The following CDH4 variants were observed in gnomAD, a reference collection of about 807,000 sequenced individuals.
CDH4 encodes the protein cadherin-4.
In CDH4, 33 loss-of-function variants were observed where a neutral mutation model predicts 86.0. The observed-to-expected ratio is 0.38, with a 90% CI of 0.29 to 0.51. The LOEUF is 0.51. Ranked by LOEUF, CDH4 falls within the 20% of genes least tolerant of loss-of-function variation. The pLI, the probability that CDH4 is intolerant of heterozygous loss-of-function variation, is 0.86. For missense variants in CDH4, 1,114 were observed against 1,307.4 expected, an observed-to-expected ratio of 0.85 and a Z score of 2.28; for synonymous variants, 555 against 549.4, an observed-to-expected ratio of 1.01 and a Z score of -0.14.
chr20:61,922,053 T>A (rs1325300260), intron 9 of CDH4, among the ~76,000 whole-genome samples: 15 of 152,244 alleles, frequency 9.9e-5, no homozygotes, highest in Non-Finnish European at 2.2e-4. Context: ...CTTTCCTCTT[T>A]ACGGCTGCAA....
At chr20:61,539,723 C>G (rs990232983) in intron 2 of CDH4, among the ~76,000 whole-genome samples, 1 of 152,228 alleles carries the variant, frequency 6.6e-6, no homozygotes, top group Non-Finnish European at 1.5e-5. Flanking sequence ...TGGCTTGGGG[C>G]TCCTGGTGGT....
intron 2 of CDH4, among the ~76,000 whole-genome samples, chr20:61,404,787 A>C (rs1455972286): frequency 6.6e-6 from 1 of 150,984 alleles, no homozygotes; most frequent in Admixed American, 6.6e-5. Flanking sequence ...GTGGTGGCTC[A>C]CGCCTGTAAT....
At position 61,590,481 on chromosome 20, in the gene CDH4, G is replaced by T. The variant is rs551046625; in HGVS notation, c.170-153082G>T. 2.9e-3 allele frequency among the ~76,000 whole-genome samples: 444 copies of T among 152,308 alleles called. 3 individuals carry two copies. The highest frequency in any genetic ancestry group is 3.2e-3 in the Non-Finnish European group (219 of 68,022). Reference sequence around the variant, plus strand: ...TGCGACAGTCAGCCCAGCACCCATGGCTGACTCTTTGACAAGAGTCTTTCT... The same window carrying T: ...TGCGACAGTCAGCCCAGCACCCATGTCTGACTCTTTGACAAGAGTCTTTCT... On this transcript the variant is annotated intron_variant, in intron 2 of 15. Transcript: ENST00000614565.
intron 2 of CDH4, among the ~76,000 whole-genome samples, chr20:61,456,144 T>G (rs1600692434): frequency 6.6e-6 from 1 of 152,072 alleles, no homozygotes; most frequent in South Asian, 2.1e-4. Flanking sequence ...GATAGGTAGG[T>G]GGGTGGACAG....
rs1486968727 is a variant in CDH4 at position 61,518,695 on chromosome 20, C to T, written c.170-224868C>T. On this transcript the variant is annotated intron_variant, in intron 2 of 15. Transcript: ENST00000614565. This position sits in a 1 kb window ranked among gnomAD's most constrained non-coding sequence, Gnocchi z 6.3. The stretch of plus-strand genomic sequence containing the variant: ...CTTTATTCATCCATCCTTCATCTAC[C>T]TATCTGTTGTTCAATCATCCATCCG... 6.6e-6 allele frequency among the ~76,000 whole-genome samples: 1 copy of T among 151,614 alleles called. No individual in the cohort carries two copies. The highest frequency in any genetic ancestry group is 2.0e-4 in the East Asian group (1 of 5,128).
intron 2 of CDH4, among the ~76,000 whole-genome samples, chr20:61,557,504 A>G: frequency 6.6e-6 from 1 of 152,250 alleles, no homozygotes; most frequent in East Asian, 1.9e-4. Flanking sequence ...TATGCCCTCC[A>G]GGACCTTGGT....
intron 3 of CDH4, among the ~76,000 whole-genome samples, chr20:61,758,468 C>T (rs935374995): frequency 1.3e-5 from 2 of 152,156 alleles, no homozygotes. Flanking sequence ...CAATCGGAGG[C>T]TCAAGGGCTT....
At chr20:61,415,565 C>A (rs1328324873) in intron 2 of CDH4, among the ~76,000 whole-genome samples, 2 of 152,062 alleles carry the variant, frequency 1.3e-5, no homozygotes, top group Non-Finnish European at 2.9e-5. Flanking sequence ...CCCCACCATC[C>A]TATTGTTTAT....
At chr20:61,504,089 A>G (rs1327779741) in intron 2 of CDH4, among the ~76,000 whole-genome samples, 1 of 152,224 alleles carries the variant, frequency 6.6e-6, no homozygotes, top group Non-Finnish European at 1.5e-5. Context: ...TGTCTTGGGA[A>G]CAAGGACCTC....
chr20:61,846,950 A>T (rs1320551419), intron 5 of CDH4, among the ~76,000 whole-genome samples: 1 of 152,180 alleles, frequency 6.6e-6, no homozygotes, highest in Non-Finnish European at 1.5e-5. Flanking sequence ...TCTGAGGGGC[A>T]CCAGAAGTGC....
intron 9 of CDH4, among the ~76,000 whole-genome samples, chr20:61,913,634 C>G (rs975814112): frequency 1.3e-5 from 2 of 152,252 alleles, no homozygotes; most frequent in African/African-American, 4.8e-5. Flanking sequence ...ACCCCGGGAA[C>G]TGATTCCTGA....
At chr20:61,505,174 G>C (rs1044989884) in intron 2 of CDH4, among the ~76,000 whole-genome samples, 2 of 152,158 alleles carry the variant, frequency 1.3e-5, no homozygotes, top group African/African-American at 4.8e-5. Flanking sequence ...GGTTCATTGT[G>C]GGGTGTTTCA....
rs962479800 is a variant in CDH4 at position 61,391,453 on chromosome 20, G to A, written c.169+136516G>A. On this transcript the variant is annotated intron_variant, in intron 2 of 15. Coordinates refer to ENST00000614565, the MANE Select transcript of CDH4 (RefSeq NM_001794.5). ...GTCCACCACCTGCGCCCTCCGAACC[G>A]CTTTATTGGACTAAGGGACATCGCC... 3.3e-5 allele frequency among the ~76,000 whole-genome samples: 5 copies of A among 152,148 alleles called. No homozygotes were observed. In the East Asian group the frequency reaches 5.8e-4, roughly 18 times the overall value.
At chr20:61,339,285 G>A (rs1387033007) in intron 2 of CDH4, among the ~76,000 whole-genome samples, 1 of 152,196 alleles carries the variant, frequency 6.6e-6, no homozygotes, top group Admixed American at 6.5e-5. Flanking sequence ...AAGGGACTGG[G>A]ATGGAAGACA....
chr20:61,932,123 T>G (rs942535115), intron 13 of CDH4, among the ~76,000 whole-genome samples: 1 of 152,154 alleles, frequency 6.6e-6, no homozygotes, highest in African/African-American at 2.4e-5. Flanking sequence ...ACCAAGACAC[T>G]GTGTGCCTAA....
At chr20:61,790,426 A>G (rs896911499) in intron 4 of CDH4, among the ~76,000 whole-genome samples, 15 of 146,292 alleles carry the variant, frequency 1.0e-4, no homozygotes, top group African/African-American at 3.8e-4. Context: ...CTATCCATTC[A>G]TCTCTCCATC....
chr20:61,732,416 C>A (rs944246), intron 2 of CDH4, among the ~76,000 whole-genome samples: 3,080 of 152,222 alleles, frequency 0.02, 58 homozygotes, highest in Admixed American at 0.037. Context: ...TCCCGGAGCC[C>A]ACAGGCACTG....
intron 11 of CDH4, among the ~76,000 whole-genome samples, chr20:61,925,555 G>A (rs935486091): frequency 6.6e-6 from 1 of 152,232 alleles, no homozygotes; most frequent in African/African-American, 2.4e-5. Flanking sequence ...TGTTTGCCGA[G>A]TACCGGCCGA....
At chr20:61,736,845 G>A (rs752751186) in intron 2 of CDH4, among the ~76,000 whole-genome samples, 3 of 152,144 alleles carry the variant, frequency 2.0e-5, no homozygotes, top group Admixed American at 6.5e-5. Flanking sequence ...AACCAAGACT[G>A]GGGTGACAGA....
Sources: gnomAD v4.1 joint callset for allele counts (sites outside exome capture counted in the v4.1 genomes callset) on GRCh38, gnomAD v4.1.1 for gene constraint, Gnocchi (gnomAD v3.1) non-coding constraint, MANE v1.5 for transcripts, NCBI Gene and HGNC (gene_info 2026-07-23, HGNC 2026-07-21) for gene names.